KIF18A: variants seen among roughly 807,000 people sequenced by gnomAD.
The protein encoded by KIF18A is kinesin family member 18A.
In KIF18A, 67 loss-of-function variants were observed where a neutral mutation model predicts 103.3. That is an observed-to-expected ratio of 0.65 (90% CI 0.53 to 0.79). The LOEUF (loss-of-function observed/expected upper bound fraction) is 0.79, where lower values mean the gene tolerates loss of function less well. KIF18A is among the 30% of genes least tolerant of loss of function. The pLI is 0.00. For synonymous variants in KIF18A, 367 were observed against 355.5 expected, an observed-to-expected ratio of 1.03 and a Z score of -0.36; for missense variants, 1,032 against 1,062.5, an observed-to-expected ratio of 0.97 and a Z score of 0.40.
intron 1 of KIF18A, among the ~76,000 whole-genome samples, chr11:28,098,550 T>C (rs921242290): frequency 5.3e-5 from 8 of 152,136 alleles, no homozygotes; most frequent in Middle Eastern, 3.4e-3. Flanking sequence ...CAGAAGCCCA[T>C]AGGGTTAAAA....
At chr11:28,021,341 A>G in intron 16 of KIF18A, 59 bp from the exon 17 acceptor site, 1 of 1,204,968 alleles carries the variant, frequency 8.3e-7, no homozygotes. Flanking sequence ...AAAAGTTTTC[A>G]TCGTTCAACT....
chr11:28,032,663 A>C (rs964725312), intron 15 of KIF18A, among the ~76,000 whole-genome samples: 1 of 152,008 alleles, frequency 6.6e-6, no homozygotes, highest in African/African-American at 2.4e-5. Flanking sequence ...CTGTTTATCC[A>C]TATGCAGAAG....
intron 1 of KIF18A, 26 bp from the exon 2 acceptor site, chr11:28,098,019 T>C: frequency 7.6e-6 from 9 of 1,188,186 alleles, no homozygotes; most frequent in Non-Finnish European, 1.1e-5. Context: ...AAAATAAAGT[T>C]TTAATATCAG....
At chr11:28,078,046 G>A (rs895364474) in intron 9 of KIF18A, among the ~76,000 whole-genome samples, 39 of 152,030 alleles carry the variant, frequency 2.6e-4, no homozygotes, top group Non-Finnish European at 4.6e-4. Context: ...TCAGCTCTGA[G>A]CTACAGTAAC....
At chr11:28,079,579 G>T (rs944384137) in intron 9 of KIF18A, among the ~76,000 whole-genome samples, 1 of 152,036 alleles carries the variant, frequency 6.6e-6, no homozygotes, top group African/African-American at 2.4e-5. Flanking sequence ...CTCCAAAACA[G>T]TATGAATAAC....
intron 9 of KIF18A, among the ~76,000 whole-genome samples, chr11:28,082,275 A>G (rs1174208235): frequency 6.6e-6 from 1 of 152,170 alleles, no homozygotes; most frequent in East Asian, 1.9e-4. Flanking sequence ...AAATGCTATC[A>G]AAGAGCATCA....
chr11:28,031,874 T>C (rs562473557), intron 15 of KIF18A, among the ~76,000 whole-genome samples: 1 of 151,858 alleles, frequency 6.6e-6, no homozygotes, highest in East Asian at 1.9e-4. Context: ...CTGGAAGTCC[T>C]AAGTAGAGCA....
At chr11:28,062,080 A>G (rs1439638700) in intron 12 of KIF18A, among the ~76,000 whole-genome samples, 2 of 152,142 alleles carry the variant, frequency 1.3e-5, no homozygotes, top group Non-Finnish European at 2.9e-5. Context: ...AAGTGGAGAA[A>G]TGGATGGCTA....
In KIF18A at chr11:28,036,592, G is replaced by A. The variant is rs760112585; in HGVS notation, c.2021C>T (p.Ser674Phe). 1.2e-6 allele frequency: 2 copies of A among 1,610,556 alleles called. No homozygotes were observed. The highest frequency in any genetic ancestry group is 2.2e-5 in the South Asian group (2 of 90,926). ...TAGAGTATGCTGTCCTTTCAAGGGA[G>A]ATGGCATTAGTTTTCTCCGAGTTCT... ...EKRTRRKLMP[S>F]PLKGQHTLKS... The change falls in exon 14 of 17, where the codon TCT (serine) becomes TTT (phenylalanine). Residue 674 changes from serine (S) to phenylalanine (F), a missense_variant. Physicochemically the swap from Ser to Phe is radical, Grantham distance 155. Transcript: ENST00000263181.
chr11:28,091,600 T>C (rs1590708496), intron 3 of KIF18A, 87 bp from the exon 4 acceptor site: 2 of 601,700 alleles, frequency 3.3e-6, no homozygotes, highest in African/African-American at 1.9e-5. Context: ...TTAAAGTTAT[T>C]AGAATTTTAT....
intron 13 of KIF18A, among the ~76,000 whole-genome samples, chr11:28,041,968 T>C (rs1020308296): frequency 2.6e-5 from 4 of 151,590 alleles, no homozygotes; most frequent in Non-Finnish European, 5.9e-5. Flanking sequence ...TTCCCTCTAC[T>C]CCCACTCATC....
At chr11:28,061,439 A>G (rs1252058732) in intron 12 of KIF18A, among the ~76,000 whole-genome samples, 1 of 152,070 alleles carries the variant, frequency 6.6e-6, no homozygotes, top group Non-Finnish European at 1.5e-5. Context: ...GTAAATGTTT[A>G]TCTTAAGATA....
At chr11:28,037,476 CAGA>C (rs557565163) in intron 13 of KIF18A, among the ~76,000 whole-genome samples, 102 of 151,498 alleles carry the variant, frequency 6.7e-4, no homozygotes, top group African/African-American at 2.4e-3. Context: ...TTAAAGTACA[CAGA>C]AGGATACATG....
intron 3 of KIF18A, among the ~76,000 whole-genome samples, chr11:28,092,095 G>A (rs1479116926): frequency 2.0e-5 from 3 of 152,154 alleles, no homozygotes; most frequent in African/African-American, 4.8e-5. Flanking sequence ...GATTACAGGC[G>A]TGAGCCACCG....
At chr11:28,093,787 T>C (rs1367981839) in intron 3 of KIF18A, among the ~76,000 whole-genome samples, 1 of 152,150 alleles carries the variant, frequency 6.6e-6, no homozygotes, top group African/African-American at 2.4e-5. Context: ...AAAATCACCA[T>C]CATCTACCAT....
At chr11:28,072,824 A>C (rs1851038597) in intron 10 of KIF18A, among the ~76,000 whole-genome samples, 1 of 151,956 alleles carries the variant, frequency 6.6e-6, no homozygotes, top group Non-Finnish European at 1.5e-5. Flanking sequence ...TCTATGTCTT[A>C]ATCTTTCTAG....
At chr11:28,097,291 T>C (rs1018253809) in intron 2 of KIF18A, 2 of 200,212 alleles carry the variant, frequency 1.0e-5, no homozygotes, top group Admixed American at 1.1e-4. Flanking sequence ...ATAGGTAAGC[T>C]GTAGGAAAAG....
intron 11 of KIF18A, among the ~76,000 whole-genome samples, chr11:28,067,040 C>T (rs1850940609): frequency 6.6e-6 from 1 of 151,760 alleles, no homozygotes; most frequent in Non-Finnish European, 1.5e-5. Context: ...CAAATTAAGA[C>T]ATCAATGTTA....
At chr11:28,040,380 T>G (rs1287394626) in intron 13 of KIF18A, among the ~76,000 whole-genome samples, 1 of 151,706 alleles carries the variant, frequency 6.6e-6, no homozygotes, top group Non-Finnish European at 1.5e-5. Context: ...CATGGGACAG[T>G]TGTAGTTTCC....
Sources: gnomAD v4.1 joint callset for allele counts (sites outside exome capture counted in the v4.1 genomes callset) on GRCh38, gnomAD v4.1.1 for gene constraint, MANE v1.5 for transcripts, NCBI Gene and HGNC (gene_info 2026-07-23, HGNC 2026-07-21) for gene names.